TRAF3: variants seen among roughly 807,000 people sequenced by gnomAD.
TRAF3 encodes the protein TNF receptor-associated factor 3.
TRAF3 carries 13 observed loss-of-function variants against 62.3 expected under a neutral mutation model. The ratio of observed to expected loss-of-function variants is 0.21; its 90% confidence interval spans 0.14 to 0.33. The LOEUF (loss-of-function observed/expected upper bound fraction) is 0.33, where lower values mean the gene tolerates loss of function less well. Ranked by LOEUF, TRAF3 falls within the 10% of genes least tolerant of loss-of-function variation. The pLI is 1.00. For missense variants in TRAF3, 440 were observed against 741.8 expected, an observed-to-expected ratio of 0.59 and a Z score of 4.73; for synonymous variants, 269 against 283.4, an observed-to-expected ratio of 0.95 and a Z score of 0.51.
intron 1 of TRAF3, among the ~76,000 whole-genome samples, chr14:102,815,930 C>G (rs1384850209): frequency 6.6e-6 from 1 of 152,154 alleles, no homozygotes; most frequent in Non-Finnish European, 1.5e-5. Context: ...TCACTTCCTT[C>G]CCTTGACACA....
At chr14:102,785,035 G>A (rs1897428672) in intron 1 of TRAF3, among the ~76,000 whole-genome samples, 1 of 152,202 alleles carries the variant, frequency 6.6e-6, no homozygotes, top group Non-Finnish European at 1.5e-5. Flanking sequence ...AAAAGGAAGA[G>A]CAACAGGCCT....
intron 2 of TRAF3, among the ~76,000 whole-genome samples, chr14:102,837,850 C>T (rs1018020016): frequency 6.6e-6 from 1 of 152,194 alleles, no homozygotes; most frequent in African/African-American, 2.4e-5. Context: ...CCTGTTAGCT[C>T]TGACTTTGGG....
At chr14:102,786,627 C>T (rs1456356237) in intron 1 of TRAF3, among the ~76,000 whole-genome samples, 1 of 152,060 alleles carries the variant, frequency 6.6e-6, no homozygotes, top group Non-Finnish European at 1.5e-5. Context: ...GCAGAGGTTG[C>T]AGTGAGCCAA....
intron 2 of TRAF3, among the ~76,000 whole-genome samples, chr14:102,852,634 C>T (rs1170587686): frequency 6.6e-6 from 1 of 152,082 alleles, no homozygotes; most frequent in Non-Finnish European, 1.5e-5. Flanking sequence ...TTCTTTGGAT[C>T]TACATATGGA....
chr14:102,814,417 T>C (rs1044284781), intron 1 of TRAF3, among the ~76,000 whole-genome samples: 1 of 152,236 alleles, frequency 6.6e-6, no homozygotes, highest in African/African-American at 2.4e-5. Flanking sequence ...CTTTGGCTAT[T>C]TGGGGTCTTT....
At chr14:102,819,036 C>T (rs184202817) in intron 1 of TRAF3, among the ~76,000 whole-genome samples, 213 of 149,178 alleles carry the variant, frequency 1.4e-3, no homozygotes, top group African/African-American at 5.0e-3. Flanking sequence ...GCCTGGGTGA[C>T]GGAGCAAGAC....
At chr14:102,784,151 G>A (rs1951940206) in intron 1 of TRAF3, among the ~76,000 whole-genome samples, 1 of 151,282 alleles carries the variant, frequency 6.6e-6, no homozygotes, top group African/African-American at 2.4e-5. Flanking sequence ...GGCTCTTCAC[G>A]CAGGATAGGT....
chr14:102,887,694 A>C (rs1889474291), intron 7 of TRAF3, among the ~76,000 whole-genome samples: 1 of 151,210 alleles, frequency 6.6e-6, no homozygotes, highest in South Asian at 2.1e-4. Context: ...TCCTGGGTTC[A>C]CACCATTCTC....
intron 2 of TRAF3, among the ~76,000 whole-genome samples, chr14:102,849,598 G>A (rs1886917738): frequency 6.6e-6 from 1 of 152,208 alleles, no homozygotes; most frequent in South Asian, 2.1e-4. Context: ...GTCTGCCTGA[G>A]TCACTTGGTC....
intron 2 of TRAF3, among the ~76,000 whole-genome samples, chr14:102,838,704 C>G (rs1490277012): frequency 6.6e-6 from 1 of 152,170 alleles, no homozygotes; most frequent in Non-Finnish European, 1.5e-5. Context: ...AAGTCCACTC[C>G]TGGTGAGGGA....
intron 2 of TRAF3, among the ~76,000 whole-genome samples, chr14:102,846,748 C>T (rs1046203677): frequency 9.9e-5 from 15 of 151,440 alleles, no homozygotes; most frequent in African/African-American, 1.7e-4. Flanking sequence ...TTTGGGAGGT[C>T]GAGGCTGCCG....
chr14:102,810,969 G>A (rs1477403515), intron 1 of TRAF3, among the ~76,000 whole-genome samples: 1 of 152,154 alleles, frequency 6.6e-6, no homozygotes, highest in Admixed American at 6.6e-5. Flanking sequence ...TCAGGAGAAA[G>A]CTCGGTAAAG....
At chr14:102,870,119 C>G in intron 2 of TRAF3, 66 bp from the exon 3 acceptor site, 2 of 1,611,138 alleles carry the variant, frequency 1.2e-6, no homozygotes, top group South Asian at 2.2e-5. Context: ...CTTTTGCTTT[C>G]CCAAAGCTGT....
intron 9 of TRAF3, among the ~76,000 whole-genome samples, chr14:102,896,199 C>A (rs560196709): frequency 6.6e-6 from 1 of 152,154 alleles, no homozygotes; most frequent in African/African-American, 2.4e-5. Flanking sequence ...TTGAAACACA[C>A]GTTAGTATGA....
intron 6 of TRAF3, among the ~76,000 whole-genome samples, chr14:102,884,903 CA>C (rs1284640097): frequency 6.6e-6 from 1 of 152,032 alleles, no homozygotes; most frequent in Non-Finnish European, 1.5e-5. Context: ...TTTTACCTAT[CA>C]GATTGCCAAA....
At chr14:102,790,076 C>T (rs766705543) in intron 1 of TRAF3, among the ~76,000 whole-genome samples, 6 of 152,270 alleles carry the variant, frequency 3.9e-5, no homozygotes, top group African/African-American at 7.2e-5. Flanking sequence ...GATCCACCCA[C>T]CTCAGCCTCC....
rs937785920 is a variant in TRAF3, at chr14:102,851,911, G to A, written c.-17-18274G>A. The stretch of plus-strand genomic sequence containing the variant: ...CTCTACAAAAAATAGAAAAGTTAGC[G>A]GGGTGTGGTGGTGCATGCCTGTAGT... On this transcript the variant is annotated intron_variant, in intron 2 of 11. Transcript: ENST00000392745. Among the ~76,000 whole-genome samples the A allele has an allele frequency of 9.2e-5, 14 of 151,374 alleles. No homozygotes were observed. The East Asian group carries it at 2.0e-3, about 21-fold the overall frequency.
chr14:102,852,155 A>G (rs1427007980), intron 2 of TRAF3, among the ~76,000 whole-genome samples: 1 of 152,166 alleles, frequency 6.6e-6, no homozygotes, highest in Non-Finnish European at 1.5e-5. Flanking sequence ...TTTTTTTTAC[A>G]GACAAGGTCT....
At chr14:102,797,117 G>A (rs1029302095) in intron 1 of TRAF3, among the ~76,000 whole-genome samples, 3 of 152,192 alleles carry the variant, frequency 2.0e-5, no homozygotes, top group East Asian at 1.9e-4. Context: ...AGTTGAAAAC[G>A]TGCCCTTGGC....
Sources: gnomAD v4.1 joint callset for allele counts (sites outside exome capture counted in the v4.1 genomes callset) on GRCh38, gnomAD v4.1.1 for gene constraint, MANE v1.5 for transcripts, NCBI Gene and HGNC (gene_info 2026-07-23, HGNC 2026-07-21) for gene names.